MYOM1: variants seen among roughly 807,000 people sequenced by gnomAD.
The protein encoded by MYOM1 is myomesin 1, also known as myomesin-1.
MYOM1 carries 164 observed loss-of-function variants against 205.3 expected under a neutral mutation model. The ratio of observed to expected loss-of-function variants is 0.80; its 90% CI spans 0.70 to 0.91. The LOEUF (loss-of-function observed/expected upper bound fraction) is 0.91. MYOM1 is among the 40% of genes least tolerant of loss of function. The pLI, the probability that MYOM1 is intolerant of heterozygous loss-of-function variation, is 0.00. For synonymous variants in MYOM1, 772 were observed against 789.4 expected, an observed-to-expected ratio of 0.98 and a Z score of 0.37; for missense variants, 2,011 against 2,127.3, an observed-to-expected ratio of 0.95 and a Z score of 1.08.
At position 3,215,186 on chromosome 18, in the gene MYOM1, T is replaced by C; in HGVS notation, c.38A>G (p.Tyr13Cys). Residue 13 changes from tyrosine to cysteine, a missense_variant, in exon 2 of 38, where the codon TAT becomes TGT. Coordinates refer to ENST00000356443, the MANE Select transcript of MYOM1 (RefSeq NM_003803.4). ...LPFYQRCHQH[Y>C]DLSYRNKDVR... ...GTCCTTGTTGCGGTAGCTGAGATCA[T>C]AGTGCTGGTGGCACCTCTGATAAAA... 4 of 1,613,212 alleles carry C rather than the reference T, an allele frequency of 2.5e-6. No homozygotes were observed. The highest frequency in any genetic ancestry group is 3.4e-6 in the Non-Finnish European group (4 of 1,179,598).
chr18:3,160,040 C>T (rs984245947), intron 10 of MYOM1, among the ~76,000 whole-genome samples: 1 of 149,558 alleles, frequency 6.7e-6, no homozygotes, highest in Non-Finnish European at 1.5e-5. Flanking sequence ...CCTCTTCCTC[C>T]TCCTTCTCCT....
intron 3 of MYOM1, chr18:3,190,519 G>A (rs73940118): frequency 3.0e-4 from 46 of 152,232 alleles, no homozygotes; most frequent in African/African-American, 1.1e-3. Context: ...TAAATGTAGT[G>A]AGTAAATTTT....
intron 4 of MYOM1, among the ~76,000 whole-genome samples, chr18:3,188,465 A>C (rs967091344): frequency 6.6e-5 from 10 of 151,734 alleles, no homozygotes; most frequent in Admixed American, 1.3e-4. Flanking sequence ...AGAAAAAAAA[A>C]AACAACAACG....
chr18:3,102,716 C>T (rs2143764294), intron 22 of MYOM1, 86 bp from the exon 23 acceptor site: 2 of 1,401,950 alleles, frequency 1.4e-6, no homozygotes, highest in African/African-American at 1.4e-5. Flanking sequence ...TTTACTTTAA[C>T]CCTAAAGTAG....
chr18:3,234,259 A>T, the MYOM1 span, among the ~76,000 whole-genome samples: 1 of 152,254 alleles, frequency 6.6e-6, no homozygotes, highest in African/African-American at 2.4e-5. Flanking sequence ...GCTAATGTAA[A>T]AGTAATATAT....
intron 22 of MYOM1, among the ~76,000 whole-genome samples, chr18:3,108,064 G>A (rs559122832): frequency 6.6e-6 from 1 of 152,248 alleles, no homozygotes; most frequent in South Asian, 2.1e-4. Flanking sequence ...CTCCTGACTT[G>A]TGACTCAATT....
chr18:3,163,034 CA>C (rs58732919), intron 10 of MYOM1, among the ~76,000 whole-genome samples: 84,994 of 130,600 alleles, frequency 0.65, 24,511 homozygotes, highest in African/African-American at 0.72. Context: ...CTCAAAAAAA[CA>C]AAAAAAAACA....
At chr18:3,072,478 T>C (rs1011054079) in intron 36 of MYOM1, among the ~76,000 whole-genome samples, 2 of 150,492 alleles carry the variant, frequency 1.3e-5, no homozygotes, top group Non-Finnish European at 3.0e-5. Flanking sequence ...CTCAGCCTCC[T>C]GAGTATCTGG....
intron 12 of MYOM1, among the ~76,000 whole-genome samples, chr18:3,149,651 G>T (rs2080189144): frequency 6.6e-6 from 1 of 152,170 alleles, no homozygotes; most frequent in African/African-American, 2.4e-5. Flanking sequence ...CTGCGGTAAA[G>T]CTCAGCAAAG....
chr18:3,174,201 A>G lies in MYOM1; in HGVS notation c.1030T>C (p.Phe344Leu). ...MHTLEINGCDFEDTAQYRASA... is the reference protein window; with the variant it reads ...MHTLEINGCDLEDTAQYRASA... ...GCCCGGTACTGAGCTGTATCTTCAA[A>G]ATCACATCTGAAAGAACAGACGGAA... The change falls in exon 7 of 38, where the codon TTT becomes CTT. Residue 344 changes from phenylalanine to leucine, a missense_variant. Physicochemically the swap from Phe to Leu is conservative, Grantham distance 22. Coordinates refer to ENST00000356443, the MANE Select transcript of MYOM1 (RefSeq NM_003803.4). 1 of 1,612,972 alleles carries G rather than the reference A, an allele frequency of 6.2e-7. No homozygotes were observed.
chr18:3,099,366 T>C (rs1256483677), intron 25 of MYOM1, among the ~76,000 whole-genome samples: 1 of 152,260 alleles, frequency 6.6e-6, no homozygotes, highest in African/African-American at 2.4e-5. Flanking sequence ...AATATAGTTT[T>C]CTGGGTTCCT....
At chr18:3,103,583 G>A (rs1460975099) in intron 22 of MYOM1, among the ~76,000 whole-genome samples, 4 of 151,940 alleles carry the variant, frequency 2.6e-5, no homozygotes, top group Non-Finnish European at 5.9e-5. Flanking sequence ...AGTACATTAG[G>A]AAAAATATAT....
chr18:3,083,391 TTTTC>T (rs1357899108), intron 33 of MYOM1, among the ~76,000 whole-genome samples: 3 of 151,280 alleles, frequency 2.0e-5, no homozygotes, highest in Non-Finnish European at 4.4e-5. Flanking sequence ...AAGAATTTCT[TTTTC>T]TTTCTTTCTT....
intron 1 of MYOM1, among the ~76,000 whole-genome samples, chr18:3,218,518 T>C (rs940713933): frequency 1.3e-5 from 2 of 152,206 alleles, no homozygotes; most frequent in Non-Finnish European, 2.9e-5. Flanking sequence ...CAAGCAACTT[T>C]GCTTCAACCC....
chr18:3,091,113 C>T (rs1482975633), intron 26 of MYOM1, among the ~76,000 whole-genome samples: 2 of 151,896 alleles, frequency 1.3e-5, no homozygotes, highest in African/African-American at 2.4e-5. Context: ...GTCAGGAGTT[C>T]GAGACCAGCC....
chr18:3,211,303 T>G (rs752488554), intron 2 of MYOM1, among the ~76,000 whole-genome samples: 2 of 152,220 alleles, frequency 1.3e-5, no homozygotes, highest in African/African-American at 2.4e-5. Context: ...AAAGAGGTCC[T>G]CAGGTCATAC....
intron 5 of MYOM1, among the ~76,000 whole-genome samples, chr18:3,187,022 G>A (rs938103158): frequency 7.2e-5 from 11 of 152,102 alleles, no homozygotes; most frequent in Admixed American, 6.5e-4. Flanking sequence ...GCACATTGAG[G>A]CCTCAGCTCA....
intron 18 of MYOM1, among the ~76,000 whole-genome samples, chr18:3,128,890 C>T (rs2079834013): frequency 6.6e-6 from 1 of 152,168 alleles, no homozygotes; most frequent in Admixed American, 6.5e-5. Flanking sequence ...GGACCTCACA[C>T]AGGCTAGCAG....
At chr18:3,182,111 AAAC>A (rs1329170461) in intron 5 of MYOM1, among the ~76,000 whole-genome samples, 2 of 152,164 alleles carry the variant, frequency 1.3e-5, no homozygotes, top group Admixed American at 6.5e-5. Context: ...ATAGATATGA[AAAC>A]ATGAGTGCCG....
Sources: gnomAD v4.1 joint callset for allele counts (sites outside exome capture counted in the v4.1 genomes callset) on GRCh38, gnomAD v4.1.1 for gene constraint, MANE v1.5 for transcripts, NCBI Gene and HGNC (gene_info 2026-07-23, HGNC 2026-07-21) for gene names.